CHL1: variants seen among roughly 807,000 people sequenced by gnomAD.
The protein encoded by CHL1 is cell adhesion molecule L1 like, also known as neural cell adhesion molecule L1-like protein.
Under a neutral mutation model 141.9 loss-of-function variants are expected in CHL1, and 96 were observed. The observed-to-expected ratio is 0.68, with a 90% CI of 0.57 to 0.80. The LOEUF (loss-of-function observed/expected upper bound fraction) is 0.80. CHL1 is among the 30% of genes least tolerant of loss of function. The pLI, the probability that CHL1 is intolerant of heterozygous loss-of-function variation, is 0.00. For synonymous variants in CHL1, 613 were observed against 502.2 expected (o/e 1.22, Z -2.95); for missense variants, 1,820 against 1,457.2 (o/e 1.25, Z -4.05).
chr3:341,387 A>T (rs748967994), intron 6 of CHL1, among the ~76,000 whole-genome samples: 12 of 152,196 alleles, frequency 7.9e-5, no homozygotes, highest in Non-Finnish European at 1.2e-4. Flanking sequence ...CACTCAGAAG[A>T]AAGCAAATGA....
At chr3:378,025 A>G in intron 16 of CHL1, 83 bp downstream of exon 16, 1 of 1,261,054 alleles carries the variant, frequency 7.9e-7, no homozygotes, top group East Asian at 2.6e-5. Context: ...AAAGCTAATG[A>G]TTCTTTGAGC....
chr3:287,058 C>T (rs929660429), intron 2 of CHL1, among the ~76,000 whole-genome samples: 2 of 152,076 alleles, frequency 1.3e-5, no homozygotes, highest in Non-Finnish European at 2.9e-5. Context: ...CTTAGAATAC[C>T]CATCCTTCTG....
In CHL1 at chr3:231,653, T is replaced by C. The variant is rs553518688; in HGVS notation, c.-174-12960T>C. Among the ~76,000 whole-genome samples, 3 of 151,016 alleles carry C rather than the reference T, an allele frequency of 2.0e-5. No individual in the cohort carries two copies. The South Asian group carries it at 6.3e-4, about 32-fold the overall frequency. On this transcript the variant is annotated intron_variant, in intron 1 of 27. Coordinates refer to ENST00000256509, the MANE Select transcript of CHL1 (RefSeq NM_006614.4). ...AGTGCAGTGGCACAATCCTGGTTTATTGCAACTTCTGCCTCCTGGTTCAAG... is the reference window on the plus strand; with the variant it reads ...AGTGCAGTGGCACAATCCTGGTTTACTGCAACTTCTGCCTCCTGGTTCAAG...
intron 16 of CHL1, among the ~76,000 whole-genome samples, chr3:379,473 G>A (rs575696968): frequency 9.0e-4 from 137 of 152,134 alleles, no homozygotes; most frequent in Non-Finnish European, 1.6e-3. Context: ...TAAAGTAGTC[G>A]AGCTTCAGAT....
chr3:242,456 C>A (rs554449673), intron 1 of CHL1, among the ~76,000 whole-genome samples: 1 of 144,790 alleles, frequency 6.9e-6, no homozygotes, highest in Non-Finnish European at 1.5e-5. Flanking sequence ...ATTATCCCGG[C>A]GTGGTGGTGG....
At chr3:206,847 A>G (rs1699484111) in intron 1 of CHL1, among the ~76,000 whole-genome samples, 1 of 152,254 alleles carries the variant, frequency 6.6e-6, no homozygotes, top group South Asian at 2.1e-4. Flanking sequence ...CTATGATATG[A>G]ATACGCATGG....
chr3:383,471 A>G (rs961775870), intron 18 of CHL1, among the ~76,000 whole-genome samples: 20 of 152,308 alleles, frequency 1.3e-4, no homozygotes, highest in Non-Finnish European at 2.9e-4. Context: ...TAGAAAAAAT[A>G]GAGCAGGCTT....
At position 226,249 on chromosome 3, in the gene CHL1, T is replaced by G. The variant is rs984805877; in HGVS notation, c.-174-18364T>G. ...GTTGGCCACGCTAATGTTGAGCTCC[T>G]GGTGTCATGTGATCCGCCTGCTTCG... On this transcript the variant is annotated intron_variant, in intron 1 of 27. Transcript: ENST00000256509. Among the ~76,000 whole-genome samples the G allele has an allele frequency of 1.2e-4, 18 of 150,054 alleles. No homozygotes were observed. In the East Asian group the frequency reaches 3.6e-3, roughly 30 times the overall value.
At chr3:249,166 C>T (rs929062434) in intron 2 of CHL1, among the ~76,000 whole-genome samples, 6 of 151,616 alleles carry the variant, frequency 4.0e-5, no homozygotes, top group African/African-American at 1.5e-4. Context: ...AACAAACCAG[C>T]GAAATATATC....
chr3:369,149 T>A (rs1705290998), intron 15 of CHL1, among the ~76,000 whole-genome samples: 1 of 152,206 alleles, frequency 6.6e-6, no homozygotes, highest in Non-Finnish European at 1.5e-5. Flanking sequence ...AATGGTAGTT[T>A]GATGGGAATA....
At chr3:235,100 C>T (rs1691832381) in intron 1 of CHL1, among the ~76,000 whole-genome samples, 2 of 151,666 alleles carry the variant, frequency 1.3e-5, no homozygotes, top group Non-Finnish European at 1.5e-5. Flanking sequence ...GTGCGCTCAC[C>T]CACTAACTCG....
intron 2 of CHL1, among the ~76,000 whole-genome samples, chr3:277,583 C>T (rs566800456): frequency 3.3e-5 from 5 of 152,050 alleles, no homozygotes; most frequent in Non-Finnish European, 7.4e-5. Context: ...ACTCACTGTA[C>T]TTGGGATTTA....
In CHL1 at chr3:362,363, G is replaced by A. The variant is rs548478607; in HGVS notation, c.1418+553G>A. On this transcript the variant is annotated intron_variant, in intron 13 of 27. Transcript: ENST00000256509. Reference sequence around the variant, plus strand: ...AATTTTGTCATTGGTCTGTAGGGCAGTGTGAGATGAGTGACCCCAGGTCAT... The same window carrying A: ...AATTTTGTCATTGGTCTGTAGGGCAATGTGAGATGAGTGACCCCAGGTCAT... Among the ~76,000 whole-genome samples, 9 of 152,298 alleles carry A rather than the reference G, an allele frequency of 5.9e-5. No individual in the cohort carries two copies. In the South Asian group the frequency reaches 1.9e-3, roughly 32 times the overall value.
At chr3:341,193 T>C (rs1702320628) in intron 6 of CHL1, among the ~76,000 whole-genome samples, 1 of 152,188 alleles carries the variant, frequency 6.6e-6, no homozygotes, top group Non-Finnish European at 1.5e-5. Context: ...AGTAATGCTC[T>C]ACCTGCTAAT....
intron 3 of CHL1, among the ~76,000 whole-genome samples, chr3:324,291 C>T (rs1402660622): frequency 6.6e-6 from 1 of 152,094 alleles, no homozygotes; most frequent in African/African-American, 2.4e-5. Context: ...GGCTCTGTGC[C>T]TGTCTCCAAA....
At chr3:332,843 A>G (rs1193198594) in intron 5 of CHL1, among the ~76,000 whole-genome samples, 1 of 152,188 alleles carries the variant, frequency 6.6e-6, no homozygotes, top group Non-Finnish European at 1.5e-5. Flanking sequence ...TATCTTTTGT[A>G]GGAGGCAAGT....
At chr3:288,307 T>C (rs1284299854) in intron 2 of CHL1, among the ~76,000 whole-genome samples, 1 of 151,920 alleles carries the variant, frequency 6.6e-6, no homozygotes, top group Non-Finnish European at 1.5e-5. Flanking sequence ...TATTAAACTT[T>C]TGCAAATTTT....
intron 2 of CHL1, among the ~76,000 whole-genome samples, chr3:278,647 A>G (rs1033653644): frequency 2.0e-5 from 3 of 152,224 alleles, no homozygotes; most frequent in Admixed American, 2.0e-4. Context: ...AAGGATGAGA[A>G]TAAATTGTAT....
At chr3:334,673 C>T (rs1261540851) in intron 5 of CHL1, among the ~76,000 whole-genome samples, 2 of 152,116 alleles carry the variant, frequency 1.3e-5, no homozygotes, top group East Asian at 3.8e-4. Flanking sequence ...TTAATCCATC[C>T]ACCAGTTGAT....
Sources: gnomAD v4.1 joint callset for allele counts (sites outside exome capture counted in the v4.1 genomes callset) on GRCh38, gnomAD v4.1.1 for gene constraint, MANE v1.5 for transcripts, NCBI Gene and HGNC (gene_info 2026-07-23, HGNC 2026-07-21) for gene names.